ARHGAP10: variants seen among roughly 807,000 people sequenced by gnomAD.
ARHGAP10 encodes the protein rho GTPase-activating protein 10.
In ARHGAP10, 87 loss-of-function variants were observed where a neutral mutation model predicts 108.6. The observed-to-expected ratio is 0.80, with a 90% CI of 0.67 to 0.96. ARHGAP10 has a LOEUF of 0.96. Among genes scored for constraint, ARHGAP10 ranks in the 40% least tolerant of loss-of-function variants. The pLI, the probability that ARHGAP10 is intolerant of heterozygous loss-of-function variation, is 0.00. For synonymous variants in ARHGAP10, 347 were observed against 341.1 expected, an observed-to-expected ratio of 1.02 and a Z score of -0.19; for missense variants, 939 against 954.5, an observed-to-expected ratio of 0.98 and a Z score of 0.21.
At chr4:147,741,019 A>C (rs1376055677) in intron 1 of ARHGAP10, among the ~76,000 whole-genome samples, 1 of 152,158 alleles carries the variant, frequency 6.6e-6, no homozygotes, top group Non-Finnish European at 1.5e-5. Context: ...TTCATCCTAT[A>C]CTTTTTTCCC....
intron 1 of ARHGAP10, among the ~76,000 whole-genome samples, chr4:147,779,628 G>T (rs990696092): frequency 6.6e-6 from 1 of 152,130 alleles, no homozygotes; most frequent in Non-Finnish European, 1.5e-5. Context: ...TTCAGTTTGG[G>T]AGTCTGGGGA....
chr4:147,813,793 C>T (rs954652650), intron 1 of ARHGAP10, among the ~76,000 whole-genome samples: 1 of 152,152 alleles, frequency 6.6e-6, no homozygotes, highest in Non-Finnish European at 1.5e-5. Flanking sequence ...TTATTTAAGG[C>T]TTTGCATTCA....
intron 17 of ARHGAP10, 26 bp from the exon 18 acceptor site, chr4:147,966,654 G>A (rs550671880): frequency 6.6e-7 from 1 of 1,524,762 alleles, no homozygotes; most frequent in East Asian, 2.3e-5. Flanking sequence ...TGGTTAAACA[G>A]ATTCCTCCCC....
At chr4:147,791,825 TCCACCTGCCTTGG>T (rs760244340) in intron 1 of ARHGAP10, among the ~76,000 whole-genome samples, 67 of 152,312 alleles carry the variant, frequency 4.4e-4, no homozygotes, top group Non-Finnish European at 7.4e-4. Context: ...CCTCAGGTGA[TCCACCTGCCTTGG>T]CCTCTCAAAG....
chr4:147,841,987 C>A (rs1047605896), intron 3 of ARHGAP10, among the ~76,000 whole-genome samples: 7 of 152,140 alleles, frequency 4.6e-5, no homozygotes, highest in Non-Finnish European at 1.0e-4. Context: ...TGCTAGAGTG[C>A]AGTGGTGCAA....
chr4:147,944,317 T>C (rs552817659), intron 14 of ARHGAP10, among the ~76,000 whole-genome samples: 2 of 152,338 alleles, frequency 1.3e-5, no homozygotes, highest in Non-Finnish European at 2.9e-5. Context: ...CTGATCAAAA[T>C]GTAATCAGTG....
At chr4:147,780,449 G>A (rs529372300) in intron 1 of ARHGAP10, among the ~76,000 whole-genome samples, 1 of 152,264 alleles carries the variant, frequency 6.6e-6, no homozygotes, top group East Asian at 1.9e-4. Flanking sequence ...CCGGTCAGCA[G>A]GCTTGAAGGA....
chr4:147,874,996 ATGTG>A, intron 7 of ARHGAP10, 21 bp from the exon 8 acceptor site: 1 of 1,553,272 alleles, frequency 6.4e-7, no homozygotes, highest in Non-Finnish European at 8.6e-7. Flanking sequence ...CTTAACATTT[ATGTG>A]TGTTTTTTAA....
chr4:148,053,966 A>C (rs879462821), intron 20 of ARHGAP10, among the ~76,000 whole-genome samples: 4 of 152,186 alleles, frequency 2.6e-5, no homozygotes, highest in Non-Finnish European at 4.4e-5. Flanking sequence ...TGAAAAGATG[A>C]CTTCCCAAAA....
At chr4:147,939,795 A>C in intron 13 of ARHGAP10, 30 bp from the exon 14 acceptor site, 2 of 1,582,846 alleles carry the variant, frequency 1.3e-6, no homozygotes, top group Non-Finnish European at 1.7e-6. Flanking sequence ...ATAGTCTTCT[A>C]TTTTGCTAAT....
At chr4:147,850,815 T>C (rs1046999090) in intron 4 of ARHGAP10, among the ~76,000 whole-genome samples, 2 of 152,212 alleles carry the variant, frequency 1.3e-5, no homozygotes, top group Non-Finnish European at 2.9e-5. Flanking sequence ...GTTCTTATTT[T>C]CTTTTGAAGC....
At chr4:147,982,173 G>T (rs2149627900) in intron 18 of ARHGAP10, among the ~76,000 whole-genome samples, 1 of 152,194 alleles carries the variant, frequency 6.6e-6, no homozygotes, top group South Asian at 2.1e-4. Flanking sequence ...GTCTCTTCTG[G>T]TTTATAAAGT....
intron 7 of ARHGAP10, among the ~76,000 whole-genome samples, chr4:147,871,569 A>G (rs1183540298): frequency 1.3e-5 from 2 of 152,210 alleles, no homozygotes; most frequent in African/African-American, 4.8e-5. Context: ...GGCAGCAGTG[A>G]TCTTTTATTG....
At chr4:147,851,714 C>T (rs72955600) in intron 4 of ARHGAP10, among the ~76,000 whole-genome samples, 2,608 of 152,212 alleles carry the variant, frequency 0.017, 75 homozygotes, top group African/African-American at 0.058. Flanking sequence ...GTATTAGAGG[C>T]CCTGAGATAC....
At chr4:147,833,442 G>A (rs1258612909) in intron 3 of ARHGAP10, among the ~76,000 whole-genome samples, 1 of 152,164 alleles carries the variant, frequency 6.6e-6, no homozygotes, top group Non-Finnish European at 1.5e-5. Flanking sequence ...GCAGCCATGT[G>A]GAACTGTGAG....
chr4:148,025,157 C>G (rs532411859), intron 19 of ARHGAP10, among the ~76,000 whole-genome samples: 1 of 152,146 alleles, frequency 6.6e-6, no homozygotes, highest in African/African-American at 2.4e-5. Context: ...TATGGGAACA[C>G]TCAAGCTAGT....
intron 1 of ARHGAP10, 37 bp from the exon 2 acceptor site, chr4:147,822,690 A>AG: frequency 6.3e-7 from 1 of 1,590,050 alleles, no homozygotes; most frequent in East Asian, 2.2e-5. Context: ...TTGACATAAA[A>AG]CAAGAACCCA....
Position 147,966,695 on chromosome 4 carries a change from C to A in ARHGAP10, c.1572C>A (p.Ser524=). 2 of 1,578,016 alleles carry A rather than the reference C, an allele frequency of 1.3e-6. No individual in the cohort carries two copies. The highest frequency in any genetic ancestry group is 1.2e-5 in the South Asian group (1 of 84,578). The part of the protein sequence containing the change: ...VKHLTNVSNH[S]KQNLMTVANL... ...CCAATTTCAGTGTTTCAAATCACTC[C>A]AAGCAGAACCTGATGACTGTGGCAA... Residue 524 remains serine, a synonymous_variant, in exon 18 of 23, where the codon TCC becomes TCA. Coordinates refer to ENST00000336498, the MANE Select transcript of ARHGAP10 (RefSeq NM_024605.4).
intron 18 of ARHGAP10, among the ~76,000 whole-genome samples, chr4:147,998,033 T>G (rs1233900440): frequency 6.6e-6 from 1 of 152,196 alleles, no homozygotes; most frequent in African/African-American, 2.4e-5. Context: ...GAGAAGTTTA[T>G]AGCCTTAAGT....
Sources: gnomAD v4.1 joint callset for allele counts (sites outside exome capture counted in the v4.1 genomes callset) on GRCh38, gnomAD v4.1.1 for gene constraint, MANE v1.5 for transcripts, NCBI Gene and HGNC (gene_info 2026-07-23, HGNC 2026-07-21) for gene names.